Variants in CKAP5 observed in about 807,000 individuals in gnomAD.
CKAP5 encodes the protein cytoskeleton-associated protein 5.
Under a neutral mutation model 232.8 loss-of-function variants are expected in CKAP5, and 27 were observed. The observed-to-expected ratio is 0.12, with a 90% CI of 0.09 to 0.16. The LOEUF (loss-of-function observed/expected upper bound fraction) is 0.16. Among genes scored for constraint, CKAP5 ranks in the 10% least tolerant of loss-of-function variants. The probability of loss-of-function intolerance (pLI) is 1.00; values close to 1 mark genes in which losing one functional copy is unlikely to be tolerated. For synonymous variants in CKAP5, 785 were observed against 841.1 expected, an observed-to-expected ratio of 0.93 and a Z score of 1.16; for missense variants, 1,838 against 2,424.7, an observed-to-expected ratio of 0.76 and a Z score of 5.08.
At position 46,790,477 on chromosome 11, in the gene CKAP5, T is replaced by A. The variant is rs1938693757; in HGVS notation, c.1757A>T (p.Glu586Val). Residue 586 changes from glutamate (E) to valine (V), a missense_variant, in exon 14 of 44, where the codon GAG becomes GTG. Around this residue, in one of 6 missense-constraint regions of CKAP5, gnomAD observed 767 missense variants for 954.6 expected, o/e 0.80. Transcript: ENST00000529230. ...GLETKEIVEP[E>V]LSIEVCEEKA... ...CAGTGTGTTAATACTGACCGAGAGC[T>A]CAGGCTCCACTATTTCTTTAGTCTC... 1.2e-6 allele frequency: 2 copies of A among 1,610,646 alleles called. No individual in the cohort carries two copies. The highest frequency in any genetic ancestry group is 1.1e-5 in the South Asian group (1 of 90,978).
At chr11:46,780,824 A>G (rs1377917539) in intron 18 of CKAP5, among the ~76,000 whole-genome samples, 1 of 151,998 alleles carries the variant, frequency 6.6e-6, no homozygotes, top group Admixed American at 6.6e-5. Flanking sequence ...GGGTTTCACC[A>G]TGTTGGCCAG....
In CKAP5 at chr11:46,790,156, C is replaced by G. The variant is rs775244202; in HGVS notation, c.1795G>C (p.Val599Leu). 6.2e-7 allele frequency: 1 copy of G among 1,609,798 alleles called. No individual in the cohort carries two copies. Among genetic ancestry groups the G allele is most frequent in the Non-Finnish European group, 8.5e-7 (1 of 1,176,868 alleles). ...AGCTGTATACAGGTAGGGGGAAGAA[C>G]AGCTGAAGCTTTTTCTTCACATACT... ...IEVCEEKASA[V>L]LPPTCIQLLD... is the part of the protein sequence containing the mutation. The change falls in exon 15 of 44, where the codon GTT (valine) becomes CTT (leucine). Residue 599 changes from valine (V) to leucine (L), a missense_variant. Val to Leu is a conservative substitution (Grantham distance 32, BLOSUM62 1). Coordinates refer to ENST00000529230, the MANE Select transcript of CKAP5 (RefSeq NM_001008938.4).
chr11:46,763,241 G>A (rs2065171085), intron 29 of CKAP5, 62 bp from the exon 30 acceptor site: 2 of 1,328,364 alleles, frequency 1.5e-6, no homozygotes, highest in Non-Finnish European at 1.0e-6. Context: ...AATTCTACTA[G>A]GCAAGTGTCT....
intron 11 of CKAP5, among the ~76,000 whole-genome samples, chr11:46,797,252 A>G (rs1358718626): frequency 6.6e-6 from 1 of 152,136 alleles, no homozygotes; most frequent in Non-Finnish European, 1.5e-5. Context: ...CTATAATCCC[A>G]GCTACTCAGG....
At chr11:46,780,073 T>C (rs2065326478) in intron 20 of CKAP5, 121 bp downstream of exon 20, 1 of 1,063,464 alleles carries the variant, frequency 9.4e-7, no homozygotes, top group East Asian at 2.4e-5. Flanking sequence ...ACTTAAGCAA[T>C]CCTCCTTCCT....
intron 8 of CKAP5, chr11:46,802,387 T>C (rs1250475838): frequency 6.6e-6 from 1 of 152,148 alleles, no homozygotes; most frequent in Admixed American, 6.6e-5. Flanking sequence ...AGCTGCTTTA[T>C]TATATAATAA....
At position 46,798,118 on chromosome 11, in the gene CKAP5, C is replaced by T; in HGVS notation, c.1138G>A (p.Ala380Thr). 1 of 1,614,116 alleles carries T rather than the reference C, an allele frequency of 6.2e-7. No individual in the cohort carries two copies. The highest frequency in any genetic ancestry group is 8.5e-7 in the Non-Finnish European group (1 of 1,179,978). Residue 380 changes from alanine to threonine, a missense_variant, in exon 10 of 44, where the codon GCC becomes ACC. By Grantham distance (58) the Ala-to-Thr change is moderately conservative. Transcript: ENST00000529230. ...FKEKKPQVVQ[A>T]LQEAIDAIFL... ...ATTGCATCAATTGCCTCCTGCAGGG[C>T]TTGTACCACTTGAGGTTTCTTCTCT...
chr11:46,748,272 G>C (rs2065036968), intron 42 of CKAP5, among the ~76,000 whole-genome samples: 1 of 152,140 alleles, frequency 6.6e-6, no homozygotes, highest in African/African-American at 2.4e-5. Flanking sequence ...GAAGCAGGGA[G>C]ATCAAGCAGG....
chr11:46,765,829 T>G (rs1194881061), intron 27 of CKAP5, among the ~76,000 whole-genome samples: 1 of 152,128 alleles, frequency 6.6e-6, no homozygotes, highest in East Asian at 1.9e-4. Flanking sequence ...GGTCTCGAGC[T>G]CCTGACCTCA....
At chr11:46,831,445 T>C (rs753733212) in intron 1 of CKAP5, among the ~76,000 whole-genome samples, 20 of 152,344 alleles carry the variant, frequency 1.3e-4, no homozygotes, top group Non-Finnish European at 2.5e-4. Context: ...CTGAGTCTTA[T>C]TCATTATCCC....
chr11:46,754,006 G>T (rs75562611), intron 36 of CKAP5, among the ~76,000 whole-genome samples: 5 of 147,112 alleles, frequency 3.4e-5, no homozygotes, highest in Admixed American at 2.0e-4. Flanking sequence ...GAAATTTTTT[G>T]TTTTTTTTTT....
chr11:46,769,689 C>T (rs965350562), intron 26 of CKAP5, among the ~76,000 whole-genome samples: 4 of 151,356 alleles, frequency 2.6e-5, no homozygotes, highest in African/African-American at 9.7e-5. Context: ...GAGCAAGATG[C>T]CATCTCTAAA....
chr11:46,762,307 T>C, intron 31 of CKAP5, 114 bp from the exon 32 acceptor site: 1 of 1,135,990 alleles, frequency 8.8e-7, no homozygotes, highest in Non-Finnish European at 1.3e-6. Flanking sequence ...TTACTCTGGC[T>C]CTGCCTAGGA....
intron 1 of CKAP5, among the ~76,000 whole-genome samples, chr11:46,842,513 T>C (rs1395109488): frequency 6.6e-6 from 1 of 152,114 alleles, no homozygotes; most frequent in Non-Finnish European, 1.5e-5. Flanking sequence ...ACCTTACTGT[T>C]GCAAAATCAA....
In CKAP5 at chr11:46,815,618, G is replaced by C. The variant is rs184481773; in HGVS notation, c.458+580C>G. Among the ~76,000 whole-genome samples the C allele has an allele frequency of 2.8e-3, 420 of 152,316 alleles. 2 individuals are homozygous for C. Among genetic ancestry groups the C allele is most frequent in the African/African-American group, 9.6e-3 (398 of 41,570 alleles). ...AACTGAAAAGCCTAATTCTTAATCT[G>C]ATAACAGGTCAGAAATCTCTATTCA... On this transcript the variant is annotated intron_variant, in intron 4 of 43. Coordinates refer to ENST00000529230, the MANE Select transcript of CKAP5 (RefSeq NM_001008938.4).
rs768043686 is a variant in CKAP5, at chr11:46,759,430, G to C, written c.4407C>G (p.Ser1469Arg). The change falls in exon 34 of 44, where the codon AGC (serine) becomes AGG (arginine). Residue 1469 changes from serine to arginine, a missense_variant. Transcript: ENST00000529230. ...GGGCTGCCTCAGGATGCCCACTCAT[G>C]CTTCGGGCTTGGCTAAGGGAAGCAA... Reference protein sequence around the residue: ...DMSSKLNQARSMSGHPEAAQM... With the variant: ...DMSSKLNQARRMSGHPEAAQM... 9 of 1,612,984 alleles carry C rather than the reference G, an allele frequency of 5.6e-6. No homozygotes were observed. Among genetic ancestry groups the C allele is most frequent in the Non-Finnish European group, 7.6e-6 (9 of 1,179,698 alleles).
chr11:46,762,821 C>T, intron 30 of CKAP5, 59 bp from the exon 31 acceptor site: 1 of 1,545,374 alleles, frequency 6.5e-7, no homozygotes, highest in South Asian at 1.1e-5. Context: ...AATGATTCTC[C>T]CATGCATTAC....
intron 13 of CKAP5, among the ~76,000 whole-genome samples, chr11:46,794,731 G>A (rs531960208): frequency 6.6e-6 from 1 of 151,672 alleles, no homozygotes; most frequent in African/African-American, 2.4e-5. Context: ...AGCTACTTGG[G>A]AGGCTGAGTG....
chr11:46,776,193 G>T (rs1234147580), intron 24 of CKAP5, 62 bp downstream of exon 24: 3 of 1,473,264 alleles, frequency 2.0e-6, no homozygotes, highest in Non-Finnish European at 2.8e-6. Flanking sequence ...TATCAGACAG[G>T]CCCAAGCCCC....
Sources: allele counts gnomAD v4.1 joint callset (sites outside exome capture counted in the v4.1 genomes callset), GRCh38; gene constraint gnomAD v4.1.1; regional missense constraint gnomAD v4.1.1; transcripts MANE v1.5; gene names NCBI Gene and HGNC (gene_info 2026-07-23, HGNC 2026-07-21).